The following WDFY3 variants were observed in gnomAD, a reference collection of about 807,000 sequenced individuals.
WDFY3 encodes the protein WD repeat and FYVE domain-containing protein 3.
Under a neutral mutation model 409.6 loss-of-function variants are expected in WDFY3, and 66 were observed. The observed-to-expected ratio is 0.16, with a 90% CI of 0.13 to 0.20. The LOEUF (loss-of-function observed/expected upper bound fraction) is 0.20. Ranked by LOEUF, WDFY3 falls within the 10% of genes least tolerant of loss-of-function variation. WDFY3 has a pLI of 1.00. For missense variants in WDFY3, 3,031 were observed against 4,298.1 expected (o/e 0.71, Z 8.24); for synonymous variants, 1,521 against 1,537.1 (o/e 0.99, Z 0.25).
intron 2 of WDFY3, among the ~76,000 whole-genome samples, chr4:84,919,677 C>T (rs530630156): frequency 6.6e-6 from 1 of 152,220 alleles, no homozygotes; most frequent in South Asian, 2.1e-4. Context: ...CTCTTTTGCT[C>T]GGCACTTCTC....
intron 25 of WDFY3, among the ~76,000 whole-genome samples, chr4:84,780,993 G>A (rs1746412755): frequency 6.6e-6 from 1 of 152,052 alleles, no homozygotes; most frequent in African/African-American, 2.4e-5. Context: ...AGCATCTGTT[G>A]GGGAATAACC....
At chr4:84,919,410 A>T (rs1768949669) in intron 2 of WDFY3, among the ~76,000 whole-genome samples, 1 of 152,142 alleles carries the variant, frequency 6.6e-6, no homozygotes, top group Admixed American at 6.6e-5. Flanking sequence ...AAATGTTATG[A>T]GGAGCTGTAT....
At chr4:84,756,253 T>C (rs1312396663) in intron 33 of WDFY3, among the ~76,000 whole-genome samples, 2 of 152,156 alleles carry the variant, frequency 1.3e-5, no homozygotes, top group Non-Finnish European at 2.9e-5. Flanking sequence ...ATTTATGGTA[T>C]ATAAGCCACT....
At chr4:84,845,916 A>G (rs1758022857) in intron 5 of WDFY3, among the ~76,000 whole-genome samples, 2 of 151,996 alleles carry the variant, frequency 1.3e-5, no homozygotes, top group Non-Finnish European at 2.9e-5. Context: ...AAAAAAAAAA[A>G]GGCAGAGAAA....
At chr4:84,685,331 T>C (rs1728132223) in intron 62 of WDFY3, among the ~76,000 whole-genome samples, 1 of 152,218 alleles carries the variant, frequency 6.6e-6, no homozygotes, top group African/African-American at 2.4e-5. Context: ...CTGCACCGTC[T>C]GTGCTGGTCT....
intron 30 of WDFY3, among the ~76,000 whole-genome samples, chr4:84,770,396 A>G (rs1314865455): frequency 2.0e-5 from 3 of 152,212 alleles, no homozygotes; most frequent in African/African-American, 7.2e-5. Context: ...TAGTGTAAAC[A>G]TAACTTTTAC....
intron 9 of WDFY3, among the ~76,000 whole-genome samples, chr4:84,828,273 T>G (rs180881007): frequency 3.8e-4 from 17 of 44,906 alleles, no homozygotes; most frequent in South Asian, 2.6e-3. Flanking sequence ...CACGAACCAT[T>G]TGAAATGGAA....
At chr4:84,753,157 T>C (rs1740835121) in intron 35 of WDFY3, among the ~76,000 whole-genome samples, 1 of 152,214 alleles carries the variant, frequency 6.6e-6, no homozygotes, top group African/African-American at 2.4e-5. Context: ...AGAGTATCTA[T>C]ACTATATGTG....
intron 1 of WDFY3, among the ~76,000 whole-genome samples, chr4:84,959,812 A>G (rs1471386549): frequency 6.6e-6 from 1 of 152,224 alleles, no homozygotes; most frequent in African/African-American, 2.4e-5. Flanking sequence ...TTGTCACACA[A>G]ACAAAACTTG....
intron 4 of WDFY3, among the ~76,000 whole-genome samples, chr4:84,850,926 CTGTTTTTTTTTTTTTTTTTTTTT>C (rs1455767595): frequency 5.6e-4 from 18 of 32,162 alleles, no homozygotes; most frequent in Admixed American, 2.2e-3. Flanking sequence ...TTTTATTTAT[CTGTTTTTTTTTTTTTTTTTTTTT>C]TTTTTTTTTT....
intron 58 of WDFY3, among the ~76,000 whole-genome samples, chr4:84,694,403 G>A (rs1208655534): frequency 2.6e-5 from 4 of 152,176 alleles, no homozygotes; most frequent in African/African-American, 9.7e-5. Flanking sequence ...CCAGAAATAT[G>A]TTGGCATCCA....
At chr4:84,928,003 G>A (rs1164977344) in intron 2 of WDFY3, among the ~76,000 whole-genome samples, 1 of 152,212 alleles carries the variant, frequency 6.6e-6, no homozygotes, top group African/African-American at 2.4e-5. Flanking sequence ...GGGTGTCCCA[G>A]GTGTGTCTGT....
chr4:84,874,663 T>C (rs895008262), intron 3 of WDFY3, among the ~76,000 whole-genome samples: 3 of 152,104 alleles, frequency 2.0e-5, no homozygotes, highest in African/African-American at 7.2e-5. Flanking sequence ...CTTTTCCAAG[T>C]AGTCTAAAAC....
chr4:84,847,774 AAAAAAAAAAAAAAACC>A (rs533638562), intron 5 of WDFY3, among the ~76,000 whole-genome samples: 2,165 of 139,006 alleles, frequency 0.016, 35 homozygotes, highest in Non-Finnish European at 0.024. Context: ...ACTCCGTCCC[AAAAAAAAAAAAAAACC>A]AAAAAAAAAA....
chr4:84,681,761 T>G (rs1188749469), intron 64 of WDFY3, among the ~76,000 whole-genome samples: 1 of 152,216 alleles, frequency 6.6e-6, no homozygotes, highest in Non-Finnish European at 1.5e-5. Context: ...GTGACTGCAA[T>G]GCAAAGCAGA....
intron 1 of WDFY3, among the ~76,000 whole-genome samples, chr4:84,964,031 GA>G (rs1422053499): frequency 6.6e-6 from 1 of 152,112 alleles, no homozygotes; most frequent in Non-Finnish European, 1.5e-5. Flanking sequence ...TTTATATCTA[GA>G]AGTTCATAAT....
chr4:84,957,769 T>C (rs1314014454), intron 1 of WDFY3, among the ~76,000 whole-genome samples: 1 of 152,210 alleles, frequency 6.6e-6, no homozygotes, highest in African/African-American at 2.4e-5. Flanking sequence ...TGAAGAAATA[T>C]CATTAACTTA....
chr4:84,736,199 C>T lies in WDFY3; in HGVS notation c.6886G>A (p.Gly2296Ser). Residue 2296 changes from glycine to serine, a missense_variant, in exon 42 of 68, where the codon GGT becomes AGT. This residue lies in a region of WDFY3 where 98 missense variants were observed against 194.9 expected (regional missense o/e 0.50). Transcript: ENST00000295888. ...TGSRRNRKES[G>S]LNKHSLSTQE... ...GTGGAAAGACTGTGTTTATTAAGAC[C>T]ACTTTCTTTTCGATTCCTTCTTGAT... 6.2e-7 allele frequency: 1 copy of T among 1,611,078 alleles called. No homozygotes were observed. The highest frequency in any genetic ancestry group is 8.5e-7 in the Non-Finnish European group (1 of 1,178,546).
Position 84,735,128 on chromosome 4 carries a change from T to C in WDFY3, c.6916-8A>G. The C allele has an allele frequency of 1.2e-6, 2 of 1,609,554 alleles. No homozygotes were observed. The highest frequency in any genetic ancestry group is 1.7e-6 in the Non-Finnish European group (2 of 1,178,738). On this transcript the variant is annotated splice_region_variant and splice_polypyrimidine_tract_variant and intron_variant, in intron 42 of 67. Transcript: ENST00000295888. ...CATCCACTGCGAAATCTCCTAACAA[T>C]GGATGGAAAAAGAGTCTTAATATTT...
Sources: gnomAD v4.1 joint callset for allele counts (sites outside exome capture counted in the v4.1 genomes callset) on GRCh38, gnomAD v4.1.1 for gene constraint, gnomAD v4.1.1 regional missense constraint, MANE v1.5 for transcripts, NCBI Gene and HGNC (gene_info 2026-07-23, HGNC 2026-07-21) for gene names.